The following TTC21B variants were observed in gnomAD, a reference collection of about 807,000 sequenced individuals.
TTC21B encodes tetratricopeptide repeat protein 21B.
A neutral mutation model predicts 175.1 loss-of-function variants in TTC21B; 127 were observed. The ratio of observed to expected loss-of-function variants is 0.73; its 90% confidence interval spans 0.63 to 0.84. TTC21B has a LOEUF of 0.84. TTC21B is among the 40% of genes least tolerant of loss of function. TTC21B has a pLI of 0.00. For missense variants in TTC21B, 1,561 were observed against 1,558.3 expected, an observed-to-expected ratio of 1.00 and a Z score of -0.03; for synonymous variants, 524 against 524.5, an observed-to-expected ratio of 1.00 and a Z score of 0.01.
chr2:165,876,887 CAG>C (rs1684680167), intron 27 of TTC21B, among the ~76,000 whole-genome samples: 1 of 152,088 alleles, frequency 6.6e-6, no homozygotes, highest in African/African-American at 2.4e-5. Context: ...GTAGGACACA[CAG>C]GGAGTTAATG....
At chr2:165,927,313 AT>A (rs1418372295) in intron 11 of TTC21B, among the ~76,000 whole-genome samples, 3 of 51,972 alleles carry the variant, frequency 5.8e-5, no homozygotes, top group Non-Finnish European at 1.5e-4. Context: ...TATATTATAT[AT>A]TATATAATAT....
chr2:165,930,029 A>T, intron 9 of TTC21B, 143 bp downstream of exon 9: 2 of 648,784 alleles, frequency 3.1e-6, no homozygotes, highest in Admixed American at 6.2e-5. Context: ...AATTTTAAAG[A>T]CATGACTTTT....
At position 165,929,206 on chromosome 2, in the gene TTC21B, A is replaced by G. The variant is rs776928951; in HGVS notation, c.1315T>C (p.Tyr439His). 6.2e-7 allele frequency: 1 copy of G among 1,613,092 alleles called. No homozygotes were observed. The highest frequency in any genetic ancestry group is 8.5e-7 in the Non-Finnish European group (1 of 1,179,368). ...AAATCAGGATTTAGCTTTTCAAAATACTGTATGCCAAGAGGCAAACCTTCT... is the reference window on the plus strand; with the variant it reads ...AAATCAGGATTTAGCTTTTCAAAATGCTGTATGCCAAGAGGCAAACCTTCT... ...QLEGLPLGIQ[Y>H]FEKLNPDFLL... is the part of the protein sequence containing the mutation. Residue 439 changes from tyrosine to histidine, a missense_variant, in exon 11 of 29, where the codon TAT becomes CAT. Transcript: ENST00000243344.
In TTC21B at chr2:165,929,320, G is replaced by T. The variant is rs768881808; in HGVS notation, c.1201C>A (p.His401Asn). 5.0e-6 allele frequency: 8 copies of T among 1,606,050 alleles called. No individual in the cohort carries two copies. Among genetic ancestry groups the T allele is most frequent in the Non-Finnish European group, 6.8e-6 (8 of 1,173,908 alleles). Residue 401 changes from histidine to asparagine, a missense_variant, in exon 11 of 29, where the codon CAT (histidine) becomes AAT (asparagine). Physicochemically the swap from His to Asn is moderately conservative, Grantham distance 68 (BLOSUM62 1). Coordinates refer to ENST00000243344, the MANE Select transcript of TTC21B (RefSeq NM_024753.5). ...TTTTTCTTCATGGCAAGAACTGCAT[G>T]TAAATAGATTAATTCCTAGAAAATA... ...IGKSAELIYL[H>N]AVLAMKKNKR...
chr2:165,905,915 C>T (rs1054975972), intron 19 of TTC21B, among the ~76,000 whole-genome samples: 9 of 152,060 alleles, frequency 5.9e-5, no homozygotes, highest in African/African-American at 1.9e-4. Context: ...GAACCTTTAC[C>T]AAAACTGATT....
rs151019434 is a variant in TTC21B, at chr2:165,946,371, A to G, written c.263-681T>C. ...AAAAAAAAAGTTAAATTTTATTTAA[A>G]AATACTTGATTTGTAGTTTTCATAA... On this transcript the variant is annotated intron_variant, in intron 3 of 28. Transcript: ENST00000243344. Among the ~76,000 whole-genome samples the G allele has an allele frequency of 3.9e-3, 596 of 152,230 alleles. 2 individuals are homozygous for G. The highest frequency in any genetic ancestry group is 0.027 in the Middle Eastern group (8 of 294).
At chr2:165,935,522 A>G (rs1381265448) in intron 6 of TTC21B, among the ~76,000 whole-genome samples, 2 of 152,210 alleles carry the variant, frequency 1.3e-5, no homozygotes, top group Non-Finnish European at 2.9e-5. Flanking sequence ...GAAGAAATAC[A>G]TAGATGTTTA....
At chr2:165,899,961 C>T in intron 20 of TTC21B, 81 bp from the exon 21 acceptor site, 3 of 554,908 alleles carry the variant, frequency 5.4e-6, no homozygotes, top group Non-Finnish European at 9.6e-6. Context: ...ACAGATTAAA[C>T]TTTAGTTGAC....
chr2:165,945,737 G>A, intron 3 of TTC21B, 47 bp from the exon 4 acceptor site: 1 of 1,586,370 alleles, frequency 6.3e-7, no homozygotes. Context: ...TCTGGATCAG[G>A]TATTTATAAT....
chr2:165,944,791 C>T (rs1687492272), intron 4 of TTC21B, among the ~76,000 whole-genome samples: 1 of 152,136 alleles, frequency 6.6e-6, no homozygotes, highest in South Asian at 2.1e-4. Context: ...TTAGTGTACC[C>T]TCAAGTAACA....
chr2:165,881,700 C>CA (rs1182000992), intron 26 of TTC21B, among the ~76,000 whole-genome samples: 2 of 152,028 alleles, frequency 1.3e-5, no homozygotes, highest in African/African-American at 4.8e-5. Flanking sequence ...CTTCAAACAT[C>CA]AGTGCTATGA....
At chr2:165,915,566 G>T in intron 14 of TTC21B, 127 bp from the exon 15 acceptor site, 1 of 909,760 alleles carries the variant, frequency 1.1e-6, no homozygotes, top group Non-Finnish European at 1.7e-6. Context: ...GAAATAAATT[G>T]ATAGAATTTT....
Position 165,930,732 on chromosome 2 carries a change from G to GTGTGTGTGTGTGTGTGTGTGTGTGT in TTC21B, c.895-369_895-368insACACACACACACACACACACACACA. On this transcript the variant is annotated intron_variant, in intron 8 of 28. Transcript: ENST00000243344. ...TATTTTATGGTTACGTGGGTATGGG[G>GTGTGTGTGTGTGTGTGTGTGTGTGT]GTGTGTGTGTGTGTGTGTGTGTGTG... is the stretch of plus-strand genomic sequence containing the variant. Among the ~76,000 whole-genome samples, 674 of 110,368 alleles carry GTGTGTGTGTGTGTGTGTGTGTGTGT rather than the reference G, an allele frequency of 6.1e-3. 76 individuals carry two copies. The highest frequency in any genetic ancestry group is 9.0e-3 in the Non-Finnish European group (432 of 47,964). The allele number at this position is 110,368 out of a possible 152,430, so 72.4% of individuals were successfully genotyped here.
intron 15 of TTC21B, among the ~76,000 whole-genome samples, chr2:165,913,894 A>C (rs943887699): frequency 6.6e-6 from 1 of 152,138 alleles, no homozygotes; most frequent in South Asian, 2.1e-4. Context: ...GTTCAGATAG[A>C]TAGTAAATAT....
At chr2:165,931,085 T>C (rs191297437) in intron 8 of TTC21B, among the ~76,000 whole-genome samples, 23 of 152,248 alleles carry the variant, frequency 1.5e-4, no homozygotes, top group Admixed American at 1.3e-3. Context: ...ACTTTCGTTA[T>C]AGCATGGAGT....
At chr2:165,920,210 C>T (rs1332030577) in intron 12 of TTC21B, among the ~76,000 whole-genome samples, 1 of 152,130 alleles carries the variant, frequency 6.6e-6, no homozygotes, top group Non-Finnish European at 1.5e-5. Context: ...TAGGCTAACT[C>T]CCCATTCAAC....
At chr2:165,947,182 ATATATATATATT>A in intron 3 of TTC21B, 1 of 112,772 alleles carries the variant, frequency 8.9e-6, no homozygotes, top group South Asian at 2.8e-4. Context: ...ATATATATAT[ATATATATATATT>A]AGTATCTGCT....
intron 12 of TTC21B, 117 bp from the exon 13 acceptor site, chr2:165,919,550 G>A (rs996742745): frequency 4.3e-6 from 5 of 1,169,754 alleles, no homozygotes; most frequent in Non-Finnish European, 5.0e-6. Context: ...TAAACTTAAA[G>A]TTTGCTGTTC....
chr2:165,938,665 T>G (rs1245602123), intron 6 of TTC21B, among the ~76,000 whole-genome samples: 1 of 151,106 alleles, frequency 6.6e-6, no homozygotes, highest in Non-Finnish European at 1.5e-5. Flanking sequence ...TTTCTTCACT[T>G]AAAAAAATGG....
Sources: gnomAD v4.1 joint callset for allele counts (sites outside exome capture counted in the v4.1 genomes callset) on GRCh38, gnomAD v4.1.1 for gene constraint, MANE v1.5 for transcripts, NCBI Gene and HGNC (gene_info 2026-07-23, HGNC 2026-07-21) for gene names.